The following TNKS1BP1 variants were observed in gnomAD, a reference collection of about 807,000 sequenced individuals.
TNKS1BP1 encodes CCR4-NOT transcription complex subunit 12.
In TNKS1BP1, 48 loss-of-function variants were observed where a neutral mutation model predicts 141.1. The observed-to-expected ratio is 0.34, with a 90% CI of 0.27 to 0.43. The LOEUF is 0.43. Among genes scored for constraint, TNKS1BP1 ranks in the 20% least tolerant of loss-of-function variants. The pLI is 1.00. For missense variants in TNKS1BP1, 2,149 were observed against 2,226.0 expected (o/e 0.97, Z 0.70); for synonymous variants, 875 against 898.2 (o/e 0.97, Z 0.46).
chr11:57,322,168 A>C, intron 1 of TNKS1BP1: 1 of 1,099,532 alleles, frequency 9.1e-7, no homozygotes, highest in South Asian at 2.0e-5. Flanking sequence ...CTAACCCCAA[A>C]GTCCTAGCGC....
intron 4 of TNKS1BP1, among the ~76,000 whole-genome samples, chr11:57,315,615 T>C (rs1855787128): frequency 6.6e-6 from 1 of 151,892 alleles, no homozygotes; most frequent in Admixed American, 6.6e-5. Context: ...ATTCACTCCA[T>C]GACTCTCCCA....
intron 6 of TNKS1BP1, among the ~76,000 whole-genome samples, chr11:57,306,534 G>C (rs1855613381): frequency 6.6e-6 from 1 of 152,176 alleles, no homozygotes; most frequent in Admixed American, 6.5e-5. Flanking sequence ...CTGCCCGAAA[G>C]CATAAAATTC....
At position 57,322,082 on chromosome 11, in the gene TNKS1BP1, G is replaced by T. The variant is rs34884234; in HGVS notation, c.-65-132C>A. On this transcript the variant is annotated intron_variant, in intron 1 of 11. Transcript: ENST00000358252. ...GAGAGAACTTGGAGTGGGGGGGGGGGGGTAGGAGGAGGTCAAGGGAGGTTC... is the reference window on the plus strand; with the variant it reads ...GAGAGAACTTGGAGTGGGGGGGGGGTGGTAGGAGGAGGTCAAGGGAGGTTC... 75 of 693,084 alleles carry T rather than the reference G, an allele frequency of 1.1e-4. 4 individuals carry two copies. The highest frequency in any genetic ancestry group is 1.4e-4 in the Non-Finnish European group (66 of 467,794). The allele number at this position is 693,084 out of a possible 1,614,324, so 42.9% of individuals were successfully genotyped here.
chr11:57,301,500 C>G (rs1219604615), intron 9 of TNKS1BP1, among the ~76,000 whole-genome samples: 1 of 152,216 alleles, frequency 6.6e-6, no homozygotes, highest in Non-Finnish European at 1.5e-5. Flanking sequence ...TTATCTGTGC[C>G]TCTCCTCAGG....
At position 57,300,556 on chromosome 11, in the gene TNKS1BP1, T is replaced by C; in HGVS notation, c.5174A>G (p.Lys1725Arg). 1.2e-6 allele frequency: 2 copies of C among 1,614,258 alleles called. No homozygotes were observed. The highest frequency in any genetic ancestry group is 1.7e-6 in the Non-Finnish European group (2 of 1,180,044). Residue 1725 changes from lysine to arginine, a missense_variant, in exon 11 of 12, where the codon AAG becomes AGG. Coordinates refer to ENST00000358252, the MANE Select transcript of TNKS1BP1 (RefSeq NM_033396.3). ...SPNWLQALKLKKKKV is the reference protein window; with the variant it reads ...SPNWLQALKLRKKKV ...AGTGACTTCTCAGACCTTCTTCTTCTTCAGTTTCAGGGCTTGAAGCCAGTT... is the reference window on the plus strand; with the variant it reads ...AGTGACTTCTCAGACCTTCTTCTTCCTCAGTTTCAGGGCTTGAAGCCAGTT...
chr11:57,303,640 C>T (rs1855564073), intron 6 of TNKS1BP1, among the ~76,000 whole-genome samples: 1 of 152,220 alleles, frequency 6.6e-6, no homozygotes, highest in Admixed American at 6.5e-5. Context: ...CAGCACCTGA[C>T]CCAGAGCCTG....
Position 57,313,229 on chromosome 11 carries a change from G to C in TNKS1BP1, c.1459C>G (p.Leu487Val), listed in dbSNP as rs1284395086. 4 of 1,612,814 alleles carry C rather than the reference G, an allele frequency of 2.5e-6. No individual in the cohort carries two copies. Among genetic ancestry groups the C allele is most frequent in the Non-Finnish European group, 3.4e-6 (4 of 1,180,000 alleles). ...EWTFPTRPSG[L>V]GVWRLDSPPP... Reference sequence around the variant, plus strand: ...GGGGAGTCCAGCCGCCACACGCCCAGACCCGAGGGCCTCGTGGGGAAGGTC... The same window carrying C: ...GGGGAGTCCAGCCGCCACACGCCCACACCCGAGGGCCTCGTGGGGAAGGTC... The change falls in exon 5 of 12, where the codon CTG (leucine) becomes GTG (valine). Residue 487 changes from leucine to valine, a missense_variant. Coordinates refer to ENST00000358252, the MANE Select transcript of TNKS1BP1 (RefSeq NM_033396.3).
At chr11:57,322,752 C>A (rs1051321039) in intron 1 of TNKS1BP1, among the ~76,000 whole-genome samples, 1 of 152,000 alleles carries the variant, frequency 6.6e-6, no homozygotes, top group Non-Finnish European at 1.5e-5. Flanking sequence ...TGAGAACATC[C>A]GGGGGGTGGA....
At chr11:57,307,891 A>G (rs892843658) in intron 6 of TNKS1BP1, among the ~76,000 whole-genome samples, 1 of 152,202 alleles carries the variant, frequency 6.6e-6, no homozygotes, top group South Asian at 2.1e-4. Flanking sequence ...CCAGGCTTCA[A>G]GACAGGACAG....
chr11:57,300,982 C>G lies in TNKS1BP1; in HGVS notation c.5031G>C (p.Ser1677=), dbSNP rs1269864062. The stretch of plus-strand genomic sequence containing the variant: ...GCTGGACCGCGGACTCCTTCTGGCT[C>G]GACTTGCTCTCAGCCAGCTCTCCCT... ...AEEGELAESK[S]SQKESAVQRS... Residue 1677 remains serine (S), a synonymous_variant, in exon 10 of 12, where the codon TCG becomes TCC. Coordinates refer to ENST00000358252, the MANE Select transcript of TNKS1BP1 (RefSeq NM_033396.3). The G allele has an allele frequency of 6.2e-7, 1 of 1,614,112 alleles. No individual in the cohort carries two copies. The highest frequency in any genetic ancestry group is 8.5e-7 in the Non-Finnish European group (1 of 1,180,018).
Position 57,311,559 on chromosome 11 carries a change from C to T in TNKS1BP1, c.2154+975G>A, listed in dbSNP as rs1287453255. On this transcript the variant is annotated intron_variant, in intron 5 of 11. Transcript: ENST00000358252. ...GGAGCCAGTTGAGTCACCCACATCC[C>T]GGGACAGACACACCTACTACAGGAG... 1.2e-5 allele frequency: 8 copies of T among 680,252 alleles called. No individual in the cohort carries two copies. In the South Asian group the frequency reaches 2.0e-4, roughly 17 times the overall value. 42.1% of individuals were successfully genotyped at this position (680,252 alleles called of 1,614,324 possible). A position where few individuals can be genotyped will look rare whatever the true frequency, so the allele number is the denominator to read the frequency against.
intron 1 of TNKS1BP1, among the ~76,000 whole-genome samples, chr11:57,323,450 C>G (rs1855916226): frequency 6.6e-6 from 1 of 152,198 alleles, no homozygotes; most frequent in Non-Finnish European, 1.5e-5. Flanking sequence ...CCAAACTTCT[C>G]CAACCTGCAA....
chr11:57,307,653 A>G (rs1009426553), intron 6 of TNKS1BP1, among the ~76,000 whole-genome samples: 1 of 152,228 alleles, frequency 6.6e-6, no homozygotes, highest in African/African-American at 2.4e-5. Flanking sequence ...CTGCTCACTA[A>G]AGGGAATAAA....
intron 6 of TNKS1BP1, among the ~76,000 whole-genome samples, chr11:57,307,527 T>C (rs965817102): frequency 6.6e-6 from 1 of 151,786 alleles, no homozygotes; most frequent in African/African-American, 2.4e-5. Context: ...TTCCTGCTCC[T>C]CTCCTCCCAC....
chr11:57,316,645 G>A (rs1855803633), intron 4 of TNKS1BP1, among the ~76,000 whole-genome samples: 1 of 152,038 alleles, frequency 6.6e-6, no homozygotes, highest in African/African-American at 2.4e-5. Context: ...TTTCCACCAT[G>A]CCTTCAAATT....
chr11:57,302,277 C>A lies in TNKS1BP1; in HGVS notation c.4684-53G>T. On this transcript the variant is annotated intron_variant, in intron 7 of 11. Transcript: ENST00000358252. The surrounding 1 kb of genome is among the most constrained non-coding windows in gnomAD (Gnocchi z 5.5). Reference sequence around the variant, plus strand: ...CCATTGCTGCCTCATCCCACGGGAGCCCCTCAACAGTAGCTGACCAGGAGC... The same window carrying A: ...CCATTGCTGCCTCATCCCACGGGAGACCCTCAACAGTAGCTGACCAGGAGC... 6.4e-7 allele frequency: 1 copy of A among 1,574,374 alleles called. No homozygotes were observed. The highest frequency in any genetic ancestry group is 8.6e-7 in the Non-Finnish European group (1 of 1,157,680).
In TNKS1BP1 at chr11:57,312,960, C is replaced by T. The variant is rs543331107; in HGVS notation, c.1728G>A (p.Glu576=). The T allele has an allele frequency of 6.2e-7, 1 of 1,613,904 alleles. No individual in the cohort carries two copies. Among genetic ancestry groups the T allele is most frequent in the Admixed American group, 1.7e-5 (1 of 60,010 alleles). The change falls in exon 5 of 12, where the codon GAG becomes GAA. Residue 576 remains glutamate (E), a synonymous_variant. Coordinates refer to ENST00000358252, the MANE Select transcript of TNKS1BP1 (RefSeq NM_033396.3). ...AVPLEPLPTT[E]GTPGLPLQQA... is the part of the protein sequence containing the mutation. ...GCTGCAAAGGTAATCCAGGTGTGCC[C>T]TCAGTTGTAGGCAGGGGCTCAAGGG...
intron 5 of TNKS1BP1, 133 bp from the exon 6 acceptor site, chr11:57,310,689 A>G (rs771122452): frequency 1.1e-4 from 129 of 1,196,632 alleles, no homozygotes; most frequent in Non-Finnish European, 1.5e-4. Context: ...TGTGACCTTG[A>G]GCAAATCACT....
Position 57,313,574 on chromosome 11 carries a change from G to T in TNKS1BP1, c.1114C>A (p.Pro372Thr), listed in dbSNP as rs79638626. The change falls in exon 5 of 12, where the codon CCT becomes ACT. Residue 372 changes from proline (P) to threonine (T), a missense_variant. Transcript: ENST00000358252. ...PEAPRPSSPP[P>T]EVLEPHSLDQ... Reference sequence around the variant, plus strand: ...AGGCTATGGGGCTCCAAGACCTCAGGGGGTGGGCTGCTGGGTCTGGGGGCC... The same window carrying T: ...AGGCTATGGGGCTCCAAGACCTCAGTGGGTGGGCTGCTGGGTCTGGGGGCC... The T allele has an allele frequency of 1.9e-6, 3 of 1,590,332 alleles. No individual in the cohort carries two copies. In the African/African-American group the frequency reaches 4.0e-5, roughly 21 times the overall value.
Sources: gnomAD v4.1 joint callset for allele counts (sites outside exome capture counted in the v4.1 genomes callset) on GRCh38, gnomAD v4.1.1 for gene constraint, Gnocchi (gnomAD v3.1) non-coding constraint, MANE v1.5 for transcripts, NCBI Gene and HGNC (gene_info 2026-07-23, HGNC 2026-07-21) for gene names.